SCLY: variants seen among roughly 807,000 people sequenced by gnomAD.
SCLY encodes the protein putative selenocysteine lyase.
Under a neutral mutation model 50.1 loss-of-function variants are expected in SCLY, and 38 were observed. That is an observed-to-expected ratio of 0.76 (90% CI 0.59 to 0.99). The LOEUF is 0.99. SCLY is among the 50% of genes least tolerant of loss of function. The probability of loss-of-function intolerance (pLI) is 0.00; values close to 1 mark genes in which losing one functional copy is unlikely to be tolerated. For synonymous variants in SCLY, 243 were observed against 249.4 expected, an observed-to-expected ratio of 0.97 and a Z score of 0.24; for missense variants, 600 against 620.0, an observed-to-expected ratio of 0.97 and a Z score of 0.34.
intron 7 of SCLY, among the ~76,000 whole-genome samples, chr2:238,090,167 G>A (rs1318459594): frequency 6.6e-6 from 1 of 152,176 alleles, no homozygotes. Flanking sequence ...CACAGGAAAA[G>A]ATGTTCAACA....
At chr2:238,094,388 C>T (rs1311978806) in intron 9 of SCLY, 32 bp from the exon 10 acceptor site, 1 of 1,555,280 alleles carries the variant, frequency 6.4e-7, no homozygotes, top group Admixed American at 1.7e-5. Context: ...GTCTTTGAAG[C>T]TGTCACCAAA....
At position 238,098,579 on chromosome 2, in the gene SCLY, G is replaced by GACCGCCCACATAGA. The variant is rs1691307186; in HGVS notation, c.*237_*238insAACCGCCCACATAG. On this transcript the variant is annotated 3_prime_UTR_variant, in exon 12 of 12. Coordinates refer to ENST00000254663, the MANE Select transcript of SCLY (RefSeq NM_016510.7). ...ACGCCGCATAGGACTGCCCACATGG[G>GACCGCCCACATAGA]ACCGCCCACATAGGACCGCCCACAT... The GACCGCCCACATAGA allele has an allele frequency of 2.5e-5, 10 of 394,766 alleles. 1 individual carries two copies. The highest frequency in any genetic ancestry group is 2.5e-4 in the African/African-American group (10 of 40,040). 24.5% of individuals were successfully genotyped at this position (394,766 alleles called of 1,614,324 possible).
rs1377503128 is a variant in SCLY, at chr2:238,069,852, T to C, written c.484+375T>C. On this transcript the variant is annotated intron_variant, in intron 4 of 11. Coordinates refer to ENST00000254663, the MANE Select transcript of SCLY (RefSeq NM_016510.7). This position sits in a 1 kb window ranked among gnomAD's most constrained non-coding sequence, Gnocchi z 5.0. ...AACCTTTAAATAGTACGCCTGCAAA[T>C]AGGCAAATGATGCTTGTCATTATTT... The C allele has an allele frequency of 5.9e-6, 1 of 168,076 alleles. No individual in the cohort carries two copies. Among genetic ancestry groups the C allele is most frequent in the African/African-American group, 2.4e-5 (1 of 42,126 alleles). 10.4% of individuals were successfully genotyped at this position (168,076 alleles called of 1,614,324 possible).
In SCLY at chr2:238,068,262, G is replaced by A. The variant is rs146403048; in HGVS notation, c.303+97G>A. 1,080 of 979,270 alleles carry A rather than the reference G, an allele frequency of 1.1e-3. 8 individuals are homozygous for A. In the African/African-American group the frequency reaches 0.015, roughly 14 times the overall value. The allele number at this position is 979,270 out of a possible 1,614,324, so 60.7% of individuals were successfully genotyped here. ...TTTGCTACATTTTCATTTAAAGAAA[G>A]AGTAGGCCAAGTGTGGTGGCTCATG... On this transcript the variant is annotated intron_variant, in intron 3 of 11. Coordinates refer to ENST00000254663, the MANE Select transcript of SCLY (RefSeq NM_016510.7).
At chr2:238,081,639 T>A in intron 4 of SCLY, 70 bp from the exon 5 acceptor site, 1 of 1,563,494 alleles carries the variant, frequency 6.4e-7, no homozygotes, top group Non-Finnish European at 8.7e-7. Flanking sequence ...ACTGTTAAGC[T>A]CTGTTGGAAC....
At chr2:238,085,749 A>G (rs1320465363) in intron 7 of SCLY, among the ~76,000 whole-genome samples, 2 of 152,112 alleles carry the variant, frequency 1.3e-5, no homozygotes, top group Non-Finnish European at 2.9e-5. Flanking sequence ...GGGGTTTAAA[A>G]TAGAGCTTCA....
At chr2:238,063,421 C>A (rs2065038146) in intron 1 of SCLY, among the ~76,000 whole-genome samples, 1 of 152,022 alleles carries the variant, frequency 6.6e-6, no homozygotes, top group Non-Finnish European at 1.5e-5. Flanking sequence ...TGGAGTTTCA[C>A]CATGTTGGCC....
chr2:238,087,906 GCA>G (rs2065315044), intron 7 of SCLY, among the ~76,000 whole-genome samples: 1 of 151,998 alleles, frequency 6.6e-6, no homozygotes, highest in Non-Finnish European at 1.5e-5. Context: ...ACCAGGCTGG[GCA>G]CCATAGTGAG....
chr2:238,069,409 T>A lies in SCLY; in HGVS notation c.416T>A (p.Ile139Asn). ...GTGAAGGGGGCCAAGCCCCATTTCA[T>A]TACTTCCTCGGTGGAACACGACTCC... ...SPVKGAKPHF[I>N]TSSVEHDSIR... Residue 139 changes from isoleucine to asparagine, a missense_variant, in exon 4 of 12, where the codon ATT becomes AAT. Physicochemically the swap from Ile to Asn is moderately radical, Grantham distance 149. Coordinates refer to ENST00000254663, the MANE Select transcript of SCLY (RefSeq NM_016510.7). This position sits in a 1 kb window ranked among gnomAD's most constrained non-coding sequence, Gnocchi z 5.0. The A allele has an allele frequency of 6.2e-7, 1 of 1,614,010 alleles. No homozygotes were observed. Among genetic ancestry groups the A allele is most frequent in the Non-Finnish European group, 8.5e-7 (1 of 1,179,954 alleles).
intron 2 of SCLY, among the ~76,000 whole-genome samples, chr2:238,065,934 C>T (rs1576660901): frequency 6.6e-6 from 1 of 152,000 alleles, no homozygotes; most frequent in African/African-American, 2.4e-5. Context: ...CGGCCTCCCA[C>T]AGTGCTGGGA....
At chr2:238,094,705 C>T (rs888319218) in intron 10 of SCLY, 183 bp downstream of exon 10, 3 of 580,478 alleles carry the variant, frequency 5.2e-6, no homozygotes, top group Admixed American at 6.5e-5. Flanking sequence ...CCACAGGGCT[C>T]TCGCCGCTGG....
In SCLY at chr2:238,082,167, G is replaced by C; in HGVS notation, c.735G>C (p.Val245=). 6.2e-7 allele frequency: 1 copy of C among 1,611,894 alleles called. No homozygotes were observed. The highest frequency in any genetic ancestry group is 8.5e-7 in the Non-Finnish European group (1 of 1,179,588). The change falls in exon 6 of 12, where the codon GTG becomes GTC. Residue 245 remains valine (V), a synonymous_variant. Coordinates refer to ENST00000254663, the MANE Select transcript of SCLY (RefSeq NM_016510.7). Reference sequence around the variant, plus strand: ...CCTTGGGGAAGCAGCGCGTGGATGTGGAGGACCTGGGCGTGGACTTCCTTA... The same window carrying C: ...CCTTGGGGAAGCAGCGCGTGGATGTCGAGGACCTGGGCGTGGACTTCCTTA... ...AQALGKQRVD[V]EDLGVDFLTI...
chr2:238,092,215 G>C (rs1164947883), intron 8 of SCLY: 1 of 152,286 alleles, frequency 6.6e-6, no homozygotes, highest in Admixed American at 6.5e-5. Flanking sequence ...TCTCCAAGTA[G>C]TTGGAACCAC....
rs2065068718 is a variant in SCLY at position 238,066,033 on chromosome 2, G to A, written c.202+1564G>A. Among the ~76,000 whole-genome samples the A allele has an allele frequency of 6.6e-6, 1 of 152,128 alleles. No homozygotes were observed. The highest frequency in any genetic ancestry group is 2.4e-5 in the African/African-American group (1 of 41,412). ...TTAAGGAATATGTTGAGGATGTGGG[G>A]ATTTTACATACCTAAGATATTTATC... is the stretch of plus-strand genomic sequence containing the variant. On this transcript the variant is annotated intron_variant, in intron 2 of 11. Coordinates refer to ENST00000254663, the MANE Select transcript of SCLY (RefSeq NM_016510.7). The surrounding 1 kb of genome is among the most constrained non-coding windows in gnomAD (Gnocchi z 4.1).
Position 238,083,964 on chromosome 2 carries a change from C to T in SCLY, c.884+610C>T, listed in dbSNP as rs1576672137. Among the ~76,000 whole-genome samples the T allele has an allele frequency of 1.3e-5, 2 of 152,368 alleles. No individual in the cohort carries two copies. The highest frequency in any genetic ancestry group is 2.1e-4 in the South Asian group (1 of 4,832). Reference sequence around the variant, plus strand: ...AAAAATGCCCCAACCAAAGCCTGTCCTCTCTAGCCAGTGGACCAGGAAAGG... The same window carrying T: ...AAAAATGCCCCAACCAAAGCCTGTCTTCTCTAGCCAGTGGACCAGGAAAGG... On this transcript the variant is annotated intron_variant, in intron 7 of 11. Coordinates refer to ENST00000254663, the MANE Select transcript of SCLY (RefSeq NM_016510.7). The surrounding 1 kb of genome is among the most constrained non-coding windows in gnomAD (Gnocchi z 4.3).
chr2:238,070,686 A>T (rs1173049133), intron 4 of SCLY, among the ~76,000 whole-genome samples: 2 of 152,084 alleles, frequency 1.3e-5, no homozygotes, highest in Non-Finnish European at 1.5e-5. Context: ...GGGAAAAAAA[A>T]ATTTATAACA....
chr2:238,078,638 T>C (rs1272124221), intron 4 of SCLY: 1 of 152,134 alleles, frequency 6.6e-6, no homozygotes, highest in East Asian at 1.9e-4. Flanking sequence ...CTTTTATTGT[T>C]ATGGGTATTA....
In SCLY at chr2:238,098,794, A is replaced by G. The variant is rs1358894114; in HGVS notation, c.*439A>G. ...TGGAAGATAGAATCCAAGTATTTAT[A>G]ACTCATTGTCAGCCAAATGCTATCA... On this transcript the variant is annotated 3_prime_UTR_variant, in exon 12 of 12. Transcript: ENST00000254663. 2.8e-6 allele frequency: 1 copy of G among 361,560 alleles called. No individual in the cohort carries two copies. Among genetic ancestry groups the G allele is most frequent in the Non-Finnish European group, 4.9e-6 (1 of 203,788 alleles). The allele number at this position is 361,560 out of a possible 1,614,324, so 22.4% of individuals were successfully genotyped here.
intron 7 of SCLY, among the ~76,000 whole-genome samples, chr2:238,090,098 T>A (rs13391701): frequency 0.66 from 100,829 of 151,966 alleles, 33,652 homozygotes; most frequent in Admixed American, 0.7. Context: ...AAATTCAATC[T>A]GAAAATAGGG....
Sources: allele counts gnomAD v4.1 joint callset (sites outside exome capture counted in the v4.1 genomes callset), GRCh38; gene constraint gnomAD v4.1.1; non-coding constraint Gnocchi (gnomAD v3.1); transcripts MANE v1.5; gene names NCBI Gene and HGNC (gene_info 2026-07-23, HGNC 2026-07-21).